The following VPS54 variants were observed in gnomAD, a reference collection of about 807,000 sequenced individuals.
VPS54 encodes the protein vacuolar protein sorting-associated protein 54.
In VPS54, 45 loss-of-function variants were observed where a neutral mutation model predicts 121.5. The ratio of observed to expected loss-of-function variants is 0.37; its 90% CI spans 0.29 to 0.47. VPS54 has a LOEUF of 0.47. VPS54 is among the 20% of genes least tolerant of loss of function. VPS54 has a pLI of 0.99. For synonymous variants in VPS54, 371 were observed against 385.8 expected, an observed-to-expected ratio of 0.96 and a Z score of 0.45; for missense variants, 1,090 against 1,131.4, an observed-to-expected ratio of 0.96 and a Z score of 0.52.
At chr2:63,961,006 C>G (rs1005300212) in intron 7 of VPS54, among the ~76,000 whole-genome samples, 1 of 152,174 alleles carries the variant, frequency 6.6e-6, no homozygotes, top group Non-Finnish European at 1.5e-5. Flanking sequence ...GGTTCCACCC[C>G]TAAGGTCAGA....
chr2:63,930,802 C>G (rs1207973260), intron 12 of VPS54, among the ~76,000 whole-genome samples: 2 of 152,292 alleles, frequency 1.3e-5, no homozygotes, highest in South Asian at 4.1e-4. Context: ...AGCTGATAAG[C>G]AACTTCAGCA....
chr2:63,966,112 CA>C (rs1675982863), intron 5 of VPS54, 146 bp from the exon 6 acceptor site: 1 of 757,126 alleles, frequency 1.3e-6, no homozygotes, highest in Admixed American at 3.1e-5. Flanking sequence ...GTTCTTTACA[CA>C]AATATCTATA....
At chr2:63,960,737 T>C (rs1034371408) in intron 7 of VPS54, among the ~76,000 whole-genome samples, 1 of 152,102 alleles carries the variant, frequency 6.6e-6, no homozygotes, top group African/African-American at 2.4e-5. Flanking sequence ...ATTGAAAAAA[T>C]ACATACGACA....
chr2:63,947,247 A>C, intron 9 of VPS54, 136 bp downstream of exon 9: 1 of 833,366 alleles, frequency 1.2e-6, no homozygotes, highest in Non-Finnish European at 1.7e-6. Flanking sequence ...TTTTACTTTC[A>C]TTTTTCTAAA....
rs1335367700 is a variant in VPS54, at chr2:63,904,407, C to A, written c.2626-4826G>T. 2.2e-5 allele frequency among the ~76,000 whole-genome samples: 3 copies of A among 134,230 alleles called. No individual in the cohort carries two copies. The Admixed American group carries it at 2.6e-4, about 12-fold the overall frequency. 88.1% of individuals were successfully genotyped at this position (134,230 alleles called of 152,430 possible). ...TGAGCCAAGATTGCACCACTGCACT[C>A]CAGCCCAGGCAACAGAGCAAGACTT... On this transcript the variant is annotated intron_variant, in intron 20 of 22. Coordinates refer to ENST00000272322, the MANE Select transcript of VPS54 (RefSeq NM_016516.3).
At chr2:63,948,419 T>C (rs4374357) in intron 8 of VPS54, among the ~76,000 whole-genome samples, 3 of 117,902 alleles carry the variant, frequency 2.5e-5, no homozygotes, top group Admixed American at 7.5e-5. Flanking sequence ...TTTCGGTTTT[T>C]TTTTTTTTTT....
At chr2:63,957,256 C>A (rs1476369710) in intron 7 of VPS54, among the ~76,000 whole-genome samples, 1 of 151,936 alleles carries the variant, frequency 6.6e-6, no homozygotes, top group Admixed American at 6.6e-5. Flanking sequence ...TCCTGGCTAA[C>A]ACGGTGAAAC....
At chr2:63,928,666 C>A (rs1324359749) in intron 12 of VPS54, among the ~76,000 whole-genome samples, 1 of 152,014 alleles carries the variant, frequency 6.6e-6, no homozygotes, top group Non-Finnish European at 1.5e-5. Context: ...ACAATATTAA[C>A]CTTAAATGTA....
intron 3 of VPS54, among the ~76,000 whole-genome samples, chr2:63,974,586 TC>T (rs1348546631): frequency 1.3e-5 from 2 of 152,214 alleles, no homozygotes; most frequent in African/African-American, 4.8e-5. Context: ...GAAATATCTC[TC>T]CATTTATTTA....
At chr2:64,006,016 C>G (rs765968270) in intron 1 of VPS54, among the ~76,000 whole-genome samples, 2 of 152,152 alleles carry the variant, frequency 1.3e-5, no homozygotes, top group Non-Finnish European at 2.9e-5. Flanking sequence ...CTTGGATACT[C>G]AGTCATTTTA....
At position 63,893,345 on chromosome 2, in the gene VPS54, A is replaced by C. The variant is rs913337799; in HGVS notation, c.*85T>G. ...CCAGTTCACTTTGGGTTTCAGGTTCAATTCTCGAATCACAGGCATCCAGAT... is the reference window on the plus strand; with the variant it reads ...CCAGTTCACTTTGGGTTTCAGGTTCCATTCTCGAATCACAGGCATCCAGAT... On this transcript the variant is annotated 3_prime_UTR_variant, in exon 23 of 23. Transcript: ENST00000272322. The C allele has an allele frequency of 9.9e-6, 12 of 1,209,258 alleles. No individual in the cohort carries two copies. Among genetic ancestry groups the C allele is most frequent in the Non-Finnish European group, 1.4e-5 (11 of 811,394 alleles). The allele number at this position is 1,209,258 out of a possible 1,614,324, so 74.9% of individuals were successfully genotyped here. A position where few individuals can be genotyped will look rare whatever the true frequency, so the allele number is the denominator to read the frequency against.
intron 20 of VPS54, among the ~76,000 whole-genome samples, chr2:63,901,303 G>T (rs1240864725): frequency 6.6e-6 from 1 of 152,172 alleles, no homozygotes; most frequent in Admixed American, 6.5e-5. Flanking sequence ...GTGATACACA[G>T]GAACTGTCTC....
At chr2:63,912,812 T>C in intron 18 of VPS54, 151 bp from the exon 19 acceptor site, 2 of 970,510 alleles carry the variant, frequency 2.1e-6, no homozygotes, top group Non-Finnish European at 2.9e-6. Flanking sequence ...GAAGGCAACA[T>C]ATTTCATTTT....
rs1676912680 is a variant in VPS54, at chr2:63,983,789, T to C, written c.136+75A>G. 1.1e-5 allele frequency: 16 copies of C among 1,483,548 alleles called. 1 individual carries two copies. Among genetic ancestry groups the C allele is most frequent in the Non-Finnish European group, 1.4e-5 (15 of 1,110,082 alleles). The allele number at this position is 1,483,548 out of a possible 1,614,324, so 91.9% of individuals were successfully genotyped here. Reference sequence around the variant, plus strand: ...ATAAAATTTACTCTTCTAACGTTGGTATATAAAACCTGACTACTCATTTAA... The same window carrying C: ...ATAAAATTTACTCTTCTAACGTTGGCATATAAAACCTGACTACTCATTTAA... On this transcript the variant is annotated intron_variant, in intron 2 of 22. Transcript: ENST00000272322.
Position 63,893,117 on chromosome 2 carries a change from T to C in VPS54, c.*313A>G. On this transcript the variant is annotated 3_prime_UTR_variant, in exon 23 of 23. Transcript: ENST00000272322. The stretch of plus-strand genomic sequence containing the variant: ...ATATAAAGTATACAGAGCATTCTAG[T>C]CAACTACAGCTGTGTTACAGCTATG... 2.5e-6 allele frequency: 1 copy of C among 396,184 alleles called. No individual in the cohort carries two copies. Among genetic ancestry groups the C allele is most frequent in the East Asian group, 5.3e-5 (1 of 18,828 alleles). 24.5% of individuals were successfully genotyped at this position (396,184 alleles called of 1,614,324 possible).
intron 1 of VPS54, among the ~76,000 whole-genome samples, chr2:63,992,698 G>A (rs953190126): frequency 1.3e-5 from 2 of 152,216 alleles, no homozygotes; most frequent in African/African-American, 4.8e-5. Flanking sequence ...TCAGGCAAGT[G>A]GTGGATGGTA....
intron 4 of VPS54, among the ~76,000 whole-genome samples, chr2:63,970,246 TATATATAG>T (rs1676213112): frequency 2.2e-5 from 2 of 91,076 alleles, no homozygotes; most frequent in African/African-American, 1.6e-4. Flanking sequence ...CATTCTAATA[TATATATAG>T]ATATATATAG....
intron 2 of VPS54, among the ~76,000 whole-genome samples, chr2:63,982,943 G>GC (rs1381301158): frequency 6.6e-6 from 1 of 152,110 alleles, no homozygotes; most frequent in African/African-American, 2.4e-5. Flanking sequence ...CAAATGTGCC[G>GC]CAAGTAGTGA....
At chr2:63,953,054 GT>G (rs141717833) in intron 7 of VPS54, among the ~76,000 whole-genome samples, 9 of 145,996 alleles carry the variant, frequency 6.2e-5, no homozygotes, top group South Asian at 2.2e-4. Flanking sequence ...CTATAGAGCA[GT>G]TTTTTTTTCA....
Sources: allele counts gnomAD v4.1 joint callset (sites outside exome capture counted in the v4.1 genomes callset), GRCh38; gene constraint gnomAD v4.1.1; transcripts MANE v1.5; gene names NCBI Gene and HGNC (gene_info 2026-07-23, HGNC 2026-07-21).